The following PCSK4 variants were observed in gnomAD, a reference collection of about 807,000 sequenced individuals.
PCSK4 encodes the protein testicular tissue protein Li 135.
In PCSK4, 64 loss-of-function variants were observed where a neutral mutation model predicts 80.3. The ratio of observed to expected loss-of-function variants is 0.80; its 90% CI spans 0.65 to 0.98. The LOEUF is 0.98. PCSK4 is among the 50% of genes least tolerant of loss of function. The pLI is 0.00. For synonymous variants in PCSK4, 561 were observed against 487.6 expected (o/e 1.15, Z -1.98); for missense variants, 1,213 against 1,093.6 (o/e 1.11, Z -1.54).
rs547416615 is a variant in PCSK4 at position 1,482,163 on chromosome 19, A to G, written c.1864T>C (p.Tyr622His). 4.5e-6 allele frequency: 7 copies of G among 1,559,262 alleles called. No homozygotes were observed. The highest frequency in any genetic ancestry group is 1.2e-5 in the South Asian group (1 of 85,726). ...TGGTTGAAGAACCGCGGGGGGCAGT[A>G]GGCCAGGCAGAGCTGTCCCAGGATG... Residue 622 changes from tyrosine (Y) to histidine (H), a missense_variant, in exon 15 of 15, where the codon TAC (tyrosine) becomes CAC (histidine). Transcript: ENST00000300954.
At position 1,483,909 on chromosome 19, in the gene PCSK4, A is replaced by AG; in HGVS notation, c.1201dup (p.Leu401ProfsTer131). 1 of 1,485,972 alleles carries AG rather than the reference A, an allele frequency of 6.7e-7. No homozygotes were observed. The highest frequency in any genetic ancestry group is 8.9e-7 in the Non-Finnish European group (1 of 1,126,200). The allele number at this position is 1,485,972 out of a possible 1,614,324, so 92.0% of individuals were successfully genotyped here. A position where few individuals can be genotyped will look rare whatever the true frequency, so the allele number is the denominator to read the frequency against. On this transcript the variant is annotated frameshift_variant, in exon 10 of 15. Coordinates refer to ENST00000300954, the Ensembl canonical transcript of PCSK4. LOFTEE classifies it high-confidence loss of function. ...CGCCGGCTTGGACGCGCGGACCACC[A>AG]GGTGCTGCATGTCTCTCCACGTCAG...
chr19:1,488,066 G>A (rs780027261), exon 4 of PCSK4: 1 of 1,613,246 alleles, frequency 6.2e-7, no homozygotes, highest in Non-Finnish European at 8.5e-7. Flanking sequence ...CCTGCAGGAT[G>A]CTCAGGTCTG....
upstream of PCSK4, chr19:1,490,504 T>C (rs1045796850): frequency 1.0e-4 from 54 of 518,734 alleles, no homozygotes; most frequent in Non-Finnish European, 1.7e-4. Context: ...GGCGCGAAGA[T>C]CTAACAGAAG....
At position 1,486,975 on chromosome 19, in the gene PCSK4, T is replaced by C. The variant is rs768677878; in HGVS notation, c.946A>G (p.Ser316Gly). The change falls in exon 8 of 15, where the codon AGC becomes GGC. Residue 316 changes from serine to glycine, a missense_variant. Transcript: ENST00000300954. Reference sequence around the variant, plus strand: ...CTGCCCACGGAAAGCGTGTGGATGCTGTTGGTGTAGCCGTCGCAGTTGCAG... The same window carrying C: ...CTGCCCACGGAAAGCGTGTGGATGCCGTTGGTGTAGCCGTCGCAGTTGCAG... The C allele has an allele frequency of 4.2e-5, 68 of 1,609,518 alleles. No homozygotes were observed. The highest frequency in any genetic ancestry group is 5.5e-5 in the Non-Finnish European group (65 of 1,179,836).
exon 8 of PCSK4, chr19:1,486,977 T>C (rs781346876): frequency 1.2e-6 from 2 of 1,609,700 alleles, no homozygotes; most frequent in Non-Finnish European, 1.7e-6. Context: ...GTGGATGCTG[T>C]TGGTGTAGCC....
At position 1,483,872 on chromosome 19, in the gene PCSK4, G is replaced by A. The variant is rs916668692; in HGVS notation, c.1239C>T (p.Ala413=). 14 of 1,496,756 alleles carry A rather than the reference G, an allele frequency of 9.4e-6. No homozygotes were observed. The East Asian group carries it at 3.8e-4, about 41-fold the overall frequency. The allele number at this position is 1,496,756 out of a possible 1,614,324, so 92.7% of individuals were successfully genotyped here. ...CCACGCCGTTGGTCCTCCAGTCCTC[G>A]GCCTGCAGGTGCGCCGGCTTGGACG... Residue 413 remains alanine (A), a synonymous_variant, in exon 10 of 15, where the codon GCC becomes GCT. Coordinates refer to ENST00000300954, the Ensembl canonical transcript of PCSK4.
At chr19:1,482,653 G>A (rs1478497743) in intron 13 of PCSK4, 178 bp from the exon 14 acceptor site, 2 of 831,162 alleles carry the variant, frequency 2.4e-6, no homozygotes, top group African/African-American at 1.7e-5. Flanking sequence ...TCTCCCGGGT[G>A]ACTGCACACC....
intron 6 of PCSK4, 135 bp from the exon 7 acceptor site, chr19:1,487,448 T>C (rs1267451932): frequency 3.0e-6 from 3 of 985,508 alleles, no homozygotes; most frequent in South Asian, 1.6e-5. Context: ...GGACCATTCG[T>C]ATTGGCTCAG....
At chr19:1,487,989 T>C in exon 4 of PCSK4, 3 of 1,613,062 alleles carry the variant, frequency 1.9e-6, no homozygotes, top group South Asian at 2.2e-5. Flanking sequence ...GTCCGGGTGG[T>C]CCTTCTCGAT....
intron 8 of PCSK4, among the ~76,000 whole-genome samples, chr19:1,486,355 G>A (rs1340796588): frequency 6.6e-6 from 1 of 151,088 alleles, no homozygotes; most frequent in Non-Finnish European, 1.5e-5. Context: ...GGAGTGCAGT[G>A]GCCCGATCTC....
intron 2 of PCSK4, among the ~76,000 whole-genome samples, chr19:1,488,841 G>A (rs112498276): frequency 0.063 from 9,566 of 152,200 alleles, 497 homozygotes; most frequent in African/African-American, 0.14. Flanking sequence ...TTGGCCTCCC[G>A]AAGTGCCGGG....
intron 8 of PCSK4, 42 bp downstream of exon 8, chr19:1,486,811 C>A: frequency 6.6e-7 from 1 of 1,514,558 alleles, no homozygotes; most frequent in South Asian, 1.1e-5. Flanking sequence ...GCTGGGATGG[C>A]AGGGCCTGGG....
rs146098558 is a variant in PCSK4, at chr19:1,483,120, G to T, written c.1572-100C>A. ...TGTCTGACCGCACGCGCTGGTGGCC[G>T]CGTGTCCTCTGGGTGTGGGTGAGGG... On this transcript the variant is annotated intron_variant, in intron 12 of 14. Coordinates refer to ENST00000300954, the Ensembl canonical transcript of PCSK4. 3.3e-3 allele frequency: 4,297 copies of T among 1,283,620 alleles called. 19 individuals carry two copies. Among genetic ancestry groups the T allele is most frequent in the Middle Eastern group, 0.014 (50 of 3,686 alleles). The allele number at this position is 1,283,620 out of a possible 1,614,324, so 79.5% of individuals were successfully genotyped here.
At chr19:1,482,720 G>A (rs2084365907) in intron 13 of PCSK4, 176 bp downstream of exon 13, 2 of 779,050 alleles carry the variant, frequency 2.6e-6, no homozygotes, top group Non-Finnish European at 4.1e-6. Context: ...CACCTACTGT[G>A]TGCCTGTCAT....
exon 15 of PCSK4, chr19:1,481,471 C>G (rs958852492): frequency 2.9e-6 from 1 of 343,928 alleles, no homozygotes; most frequent in Non-Finnish European, 5.3e-6. Context: ...AGGTTGGACG[C>G]GGTGCCCGAG....
chr19:1,481,710 C>T, exon 15 of PCSK4: 3 of 1,315,744 alleles, frequency 2.3e-6, no homozygotes, highest in Non-Finnish European at 3.1e-6. Flanking sequence ...GGCAGCAGTG[C>T]CTGTCAGGGA....
At chr19:1,484,669 G>A (rs1365905477) in intron 8 of PCSK4, among the ~76,000 whole-genome samples, 10 of 150,900 alleles carry the variant, frequency 6.6e-5, no homozygotes, top group South Asian at 2.1e-4. Flanking sequence ...AAAATTACCC[G>A]GGTATGGTGG....
At chr19:1,482,915 C>G in exon 13 of PCSK4, 1 of 1,613,602 alleles carries the variant, frequency 6.2e-7, no homozygotes, top group Non-Finnish European at 8.5e-7. Context: ...AATAGTAGCC[C>G]TTGTTCTCTA....
intron 8 of PCSK4, among the ~76,000 whole-genome samples, chr19:1,484,424 T>C (rs979099137): frequency 3.3e-5 from 5 of 150,582 alleles, no homozygotes; most frequent in African/African-American, 1.2e-4. Flanking sequence ...CAGGCAGAGG[T>C]TGCAGTGAGC....
Sources: gnomAD v4.1 joint callset for allele counts (sites outside exome capture counted in the v4.1 genomes callset) on GRCh38, gnomAD v4.1.1 for gene constraint, MANE v1.5 for transcripts, NCBI Gene and HGNC (gene_info 2026-07-23, HGNC 2026-07-21) for gene names.